The following GUCY1A2 variants were observed in gnomAD, a reference collection of about 807,000 sequenced individuals.
GUCY1A2 encodes guanylate cyclase 1 soluble subunit alpha 2, also known as guanylate cyclase soluble subunit alpha-2.
Under a neutral mutation model 63.5 loss-of-function variants are expected in GUCY1A2, and 27 were observed. The ratio of observed to expected loss-of-function variants is 0.43; its 90% confidence interval spans 0.31 to 0.59. The LOEUF is 0.59. Among genes scored for constraint, GUCY1A2 ranks in the 20% least tolerant of loss-of-function variants. The pLI is 0.11. For missense variants in GUCY1A2, 768 were observed against 913.3 expected (o/e 0.84, Z 2.05); for synonymous variants, 364 against 343.5 (o/e 1.06, Z -0.66).
At chr11:106,954,237 C>G (rs1427267678) in intron 3 of GUCY1A2, among the ~76,000 whole-genome samples, 1 of 152,104 alleles carries the variant, frequency 6.6e-6, no homozygotes, top group African/African-American at 2.4e-5. Flanking sequence ...TTTCAAAAAA[C>G]TTTTTGATTT....
chr11:106,964,525 T>C (rs1384301339), intron 3 of GUCY1A2, among the ~76,000 whole-genome samples: 2 of 152,196 alleles, frequency 1.3e-5, no homozygotes, highest in African/African-American at 4.8e-5. Context: ...AAGTATAAGC[T>C]GGGTTCCTCC....
chr11:106,868,204 G>A (rs934560080), intron 4 of GUCY1A2, among the ~76,000 whole-genome samples: 5 of 151,978 alleles, frequency 3.3e-5, no homozygotes, highest in African/African-American at 7.2e-5. Flanking sequence ...AGATTGAGTA[G>A]GTGAAATGAT....
At chr11:106,935,456 TAAC>T (rs1205483428) in intron 4 of GUCY1A2, among the ~76,000 whole-genome samples, 2 of 152,176 alleles carry the variant, frequency 1.3e-5, no homozygotes, top group Non-Finnish European at 1.5e-5. Flanking sequence ...TAATTCTTGA[TAAC>T]AAGATGATCC....
intron 4 of GUCY1A2, chr11:106,827,421 G>A (rs933809940): frequency 8.8e-6 from 13 of 1,471,054 alleles, no homozygotes; most frequent in South Asian, 6.8e-5. Flanking sequence ...ACTCAAGTGC[G>A]ATACCACCGT....
Position 106,813,625 on chromosome 11 carries a change from G to C in GUCY1A2, c.1207-3147C>G, listed in dbSNP as rs568389194. Among the ~76,000 whole-genome samples, 3 of 152,150 alleles carry C rather than the reference G, an allele frequency of 2.0e-5. No homozygotes were observed. The South Asian group carries it at 6.2e-4, about 32-fold the overall frequency. On this transcript the variant is annotated intron_variant, in intron 4 of 7. Coordinates refer to ENST00000526355, the MANE Select transcript of GUCY1A2 (RefSeq NM_000855.3). ...TTTTATAAGAAAATCATTTGATGCA[G>C]TGTTACATAATAGTTTGAAAAGAAG...
intron 6 of GUCY1A2, among the ~76,000 whole-genome samples, chr11:106,744,520 C>T (rs1863753553): frequency 6.6e-6 from 1 of 152,156 alleles, no homozygotes; most frequent in Admixed American, 6.5e-5. Context: ...CTTGTACAAG[C>T]TTTCCCCACC....
chr11:106,869,082 C>A (rs766352178), intron 4 of GUCY1A2, among the ~76,000 whole-genome samples: 1 of 152,168 alleles, frequency 6.6e-6, no homozygotes, highest in Non-Finnish European at 1.5e-5. Context: ...TGGATCCCTT[C>A]TTTACACCTT....
In GUCY1A2 at chr11:106,986,051, G is replaced by A. The variant is rs370574040; in HGVS notation, c.365+19C>T. 148 of 1,253,872 alleles carry A rather than the reference G, an allele frequency of 1.2e-4. 1 individual carries two copies. In the Admixed American group the frequency reaches 1.9e-3, roughly 16 times the overall value. The allele number at this position is 1,253,872 out of a possible 1,614,324, so 77.7% of individuals were successfully genotyped here. A position where few individuals can be genotyped will look rare whatever the true frequency, so the allele number is the denominator to read the frequency against. ...CTTTAATTTGTCCCCAATAATAACC[G>A]AAATCAATTTTTACTTACCCAATAA... is the stretch of plus-strand genomic sequence containing the variant. On this transcript the variant is annotated intron_variant, in intron 2 of 7. Transcript: ENST00000526355.
intron 5 of GUCY1A2, among the ~76,000 whole-genome samples, chr11:106,807,002 A>G (rs987535765): frequency 2.0e-5 from 3 of 152,212 alleles, no homozygotes; most frequent in Non-Finnish European, 4.4e-5. Context: ...CTCATGTCGT[A>G]GCACACTATG....
intron 3 of GUCY1A2, among the ~76,000 whole-genome samples, chr11:106,975,792 C>T (rs1415380128): frequency 2.0e-5 from 3 of 152,132 alleles, no homozygotes; most frequent in Non-Finnish European, 4.4e-5. Context: ...ACAACATGTG[C>T]TCCCAGGGAG....
chr11:106,781,727 C>T (rs1198770045), intron 5 of GUCY1A2, among the ~76,000 whole-genome samples: 2 of 142,172 alleles, frequency 1.4e-5, no homozygotes, highest in Admixed American at 7.1e-5. Context: ...CCATGCCTGC[C>T]TTTTTTTTTT....
chr11:106,880,735 CT>C (rs1220126535), intron 4 of GUCY1A2, among the ~76,000 whole-genome samples: 6 of 152,002 alleles, frequency 3.9e-5, no homozygotes, highest in African/African-American at 1.4e-4. Flanking sequence ...TTCTCAGAGC[CT>C]TTACCATATT....
chr11:106,847,323 T>C (rs1859289956), intron 4 of GUCY1A2, among the ~76,000 whole-genome samples: 1 of 150,810 alleles, frequency 6.6e-6, no homozygotes, highest in South Asian at 2.1e-4. Context: ...TATTTATGAT[T>C]CTACATGTGA....
intron 4 of GUCY1A2, among the ~76,000 whole-genome samples, chr11:106,889,232 T>C (rs1362881425): frequency 6.6e-6 from 1 of 152,212 alleles, no homozygotes; most frequent in Non-Finnish European, 1.5e-5. Context: ...CTCAGAAGTT[T>C]AGACACAGTA....
At chr11:106,907,565 C>T (rs1417328943) in intron 4 of GUCY1A2, among the ~76,000 whole-genome samples, 2 of 151,760 alleles carry the variant, frequency 1.3e-5, no homozygotes, top group African/African-American at 4.8e-5. Flanking sequence ...CTCCCGCCAC[C>T]CCACAACAGT....
At chr11:106,903,243 C>T (rs1405772377) in intron 4 of GUCY1A2, among the ~76,000 whole-genome samples, 4 of 152,074 alleles carry the variant, frequency 2.6e-5, no homozygotes, top group African/African-American at 7.2e-5. Flanking sequence ...TTTCTGAAGC[C>T]TTCACAGCCA....
chr11:106,753,189 C>A (rs532634965), intron 6 of GUCY1A2, among the ~76,000 whole-genome samples: 1 of 152,138 alleles, frequency 6.6e-6, no homozygotes, highest in African/African-American at 2.4e-5. Flanking sequence ...CTGTTCATAT[C>A]CTTTGCCTAC....
intron 4 of GUCY1A2, among the ~76,000 whole-genome samples, chr11:106,890,704 T>G (rs769975775): frequency 6.6e-6 from 1 of 152,132 alleles, no homozygotes; most frequent in Non-Finnish European, 1.5e-5. Context: ...CGGATATAAC[T>G]GCAATCTTCA....
At position 107,018,087 on chromosome 11, in the gene GUCY1A2, TGGCGGCGAGGACGCGAGC is replaced by T; in HGVS notation, c.-50_-33del. 1.4e-6 allele frequency: 2 copies of T among 1,391,102 alleles called. No individual in the cohort carries two copies. The highest frequency in any genetic ancestry group is 1.5e-5 in the South Asian group (1 of 66,522). The allele number at this position is 1,391,102 out of a possible 1,614,324, so 86.2% of individuals were successfully genotyped here. ...GGCGGAGCTGCAGCGGCCGAGGCGGTGGCGGCGAGGACGCGAGCGGCGGCGGAGGCGGCGGTGGCGGGA... is the reference window on the plus strand; with the variant it reads ...GGCGGAGCTGCAGCGGCCGAGGCGGTGGCGGCGGAGGCGGCGGTGGCGGGA... On this transcript the variant is annotated 5_prime_UTR_variant, in exon 1 of 8. Coordinates refer to ENST00000526355, the MANE Select transcript of GUCY1A2 (RefSeq NM_000855.3).
Sources: gnomAD v4.1 joint callset for allele counts (sites outside exome capture counted in the v4.1 genomes callset) on GRCh38, gnomAD v4.1.1 for gene constraint, MANE v1.5 for transcripts, NCBI Gene and HGNC (gene_info 2026-07-23, HGNC 2026-07-21) for gene names.